Variants in CRTC3 observed in about 807,000 individuals in gnomAD.
The protein encoded by CRTC3 is CREB regulated transcription coactivator 3.
A neutral mutation model predicts 74.5 loss-of-function variants in CRTC3; 26 were observed. That is an observed-to-expected ratio of 0.35 (90% CI 0.26 to 0.48). The LOEUF is 0.48. Among genes scored for constraint, CRTC3 ranks in the 20% least tolerant of loss-of-function variants. CRTC3 has a pLI of 0.99. For missense variants in CRTC3, 760 were observed against 787.3 expected (o/e 0.97, Z 0.41); for synonymous variants, 377 against 325.8 (o/e 1.16, Z -1.69).
chr15:90,565,183 T>A (rs1277745084), intron 2 of CRTC3, among the ~76,000 whole-genome samples: 1 of 152,076 alleles, frequency 6.6e-6, no homozygotes, highest in Non-Finnish European at 1.5e-5. Context: ...CCCGACCTCA[T>A]GTGATCCACC....
At chr15:90,628,091 C>G (rs12909338) in intron 10 of CRTC3, among the ~76,000 whole-genome samples, 36,285 of 150,604 alleles carry the variant, frequency 0.24, 4,909 homozygotes, top group African/African-American at 0.38. Flanking sequence ...GCGGCACATG[C>G]CTGTAGTCCC....
At chr15:90,575,499 G>A (rs1293923204) in intron 2 of CRTC3, among the ~76,000 whole-genome samples, 1 of 152,174 alleles carries the variant, frequency 6.6e-6, no homozygotes, top group Non-Finnish European at 1.5e-5. Flanking sequence ...GCCAGTGTAA[G>A]GTATGCAGTG....
intron 11 of CRTC3, chr15:90,634,777 T>G: frequency 8.3e-7 from 1 of 1,199,906 alleles, no homozygotes; most frequent in Non-Finnish European, 1.2e-6. Flanking sequence ...TGAGTATTGG[T>G]TGGAAGGAGC....
chr15:90,583,369 A>G (rs894786436), intron 2 of CRTC3, among the ~76,000 whole-genome samples: 3 of 152,206 alleles, frequency 2.0e-5, no homozygotes, highest in Admixed American at 6.5e-5. Flanking sequence ...AGACATGGTG[A>G]TAGGCCAGGT....
At chr15:90,552,484 C>G (rs1229439071) in intron 2 of CRTC3, among the ~76,000 whole-genome samples, 1 of 152,174 alleles carries the variant, frequency 6.6e-6, no homozygotes, top group African/African-American at 2.4e-5. Context: ...CTGATCACCC[C>G]TCATCTAGTT....
At position 90,545,643 on chromosome 15, in the gene CRTC3, C is replaced by G. The variant is rs1966842928; in HGVS notation, c.231+5506C>G. 2.0e-5 allele frequency among the ~76,000 whole-genome samples: 3 copies of G among 152,058 alleles called. No individual in the cohort carries two copies. In the South Asian group the frequency reaches 6.2e-4, roughly 32 times the overall value. ...CCAGGCTGGAGTGCAGTGGCACGAT[C>G]TCGGCTCACTGCAACCTCCGCCTCC... On this transcript the variant is annotated intron_variant, in intron 2 of 14. Coordinates refer to ENST00000268184, the MANE Select transcript of CRTC3 (RefSeq NM_022769.5).
intron 11 of CRTC3, 43 bp from the exon 12 acceptor site, chr15:90,638,402 GA>G (rs1229944650): frequency 6.4e-7 from 1 of 1,556,508 alleles, no homozygotes; most frequent in Non-Finnish European, 8.9e-7. Flanking sequence ...CTTAACGCCA[GA>G]AACGCAGAAG....
At chr15:90,538,772 C>T (rs1966759145) in intron 1 of CRTC3, among the ~76,000 whole-genome samples, 1 of 44,770 alleles carries the variant, frequency 2.2e-5, no homozygotes, top group Non-Finnish European at 5.1e-5. Flanking sequence ...CCAAACTTCA[C>T]CTTTTTTTTT....
Position 90,602,325 on chromosome 15 carries a change from T to C in CRTC3, c.353T>C (p.Phe118Ser), listed in dbSNP as rs1180211778. The C allele has an allele frequency of 3.2e-6, 5 of 1,572,524 alleles. No individual in the cohort carries two copies. Among genetic ancestry groups the C allele is most frequent in the Admixed American group, 1.7e-5 (1 of 59,700 alleles). ...RRSGDKPGRQ[F>S]DGSAFGANYS... ...TTTTTCCTTTATTAAAAATTCTACT[T>C]TGATGGTAGTGCTTTTGGAGCCAAT... Residue 118 changes from phenylalanine (F) to serine (S), a missense_variant and splice_region_variant, in exon 4 of 15, where the codon TTT becomes TCT. Physicochemically the swap from Phe to Ser is radical, Grantham distance 155. This residue lies in a region of CRTC3 where 652 missense variants were observed against 635.2 expected (regional missense o/e 1.03). Transcript: ENST00000268184.
rs79265758 is a variant in CRTC3 at position 90,627,361 on chromosome 15, G to A, written c.967+1368G>A. ...TATTTGCTTCACAGGAGAAACTCTC[G>A]AAACCTTTATGCCCAGATTCAGAGT... On this transcript the variant is annotated intron_variant, in intron 10 of 14. Transcript: ENST00000268184. 5.2e-3 allele frequency among the ~76,000 whole-genome samples: 796 copies of A among 152,218 alleles called. 10 individuals are homozygous for A. The highest frequency in any genetic ancestry group is 0.043 in the East Asian group (223 of 5,180).
chr15:90,589,914 G>C lies in CRTC3; in HGVS notation c.232-3722G>C, dbSNP rs143176437. Among the ~76,000 whole-genome samples the C allele has an allele frequency of 6.0e-4, 92 of 152,206 alleles. 1 individual carries two copies. Among genetic ancestry groups the C allele is most frequent in the African/African-American group, 2.1e-3 (87 of 41,530 alleles). On this transcript the variant is annotated intron_variant, in intron 2 of 14. Coordinates refer to ENST00000268184, the MANE Select transcript of CRTC3 (RefSeq NM_022769.5). ...AGGCAGGAGAATCGCTTGAACCCAG[G>C]AGGCAGAGGTTGCAGTGAGCCAAGA... is the stretch of plus-strand genomic sequence containing the variant.
Position 90,530,398 on chromosome 15 carries a change from C to T in CRTC3, c.132+195C>T, listed in dbSNP as rs1966606398. On this transcript the variant is annotated intron_variant, in intron 1 of 14. Coordinates refer to ENST00000268184, the MANE Select transcript of CRTC3 (RefSeq NM_022769.5). This position sits in a 1 kb window ranked among gnomAD's most constrained non-coding sequence, Gnocchi z 6.2. ...CCTGGCGACACCCGCTAGCCGTTCG[C>T]GATCCCGGGCTGAGGTGGGAGGGTC... 1 of 170,512 alleles carries T rather than the reference C, an allele frequency of 5.9e-6. No individual in the cohort carries two copies. The highest frequency in any genetic ancestry group is 1.2e-5 in the Non-Finnish European group (1 of 84,672). The allele number at this position is 170,512 out of a possible 1,614,324, so 10.6% of individuals were successfully genotyped here. A position where few individuals can be genotyped will look rare whatever the true frequency, so the allele number is the denominator to read the frequency against.
chr15:90,610,870 G>T (rs372496758), intron 6 of CRTC3, among the ~76,000 whole-genome samples: 1 of 152,142 alleles, frequency 6.6e-6, no homozygotes, highest in South Asian at 2.1e-4. Flanking sequence ...AGCAGAGTGC[G>T]TAATAGGTGT....
chr15:90,643,381 G>A lies in CRTC3; in HGVS notation c.*1241G>A, dbSNP rs565678924. 10 of 228,484 alleles carry A rather than the reference G, an allele frequency of 4.4e-5. No homozygotes were observed. The highest frequency in any genetic ancestry group is 1.8e-4 in the African/African-American group (8 of 45,008). 14.2% of individuals were successfully genotyped at this position (228,484 alleles called of 1,614,324 possible). A position where few individuals can be genotyped will look rare whatever the true frequency, so the allele number is the denominator to read the frequency against. On this transcript the variant is annotated 3_prime_UTR_variant, in exon 15 of 15. Transcript: ENST00000268184. Reference sequence around the variant, plus strand: ...TAGGTGACCAAATCACAGTGAAGCCGGGCACTGCATTCTCCTTGGGCTGTG... The same window carrying A: ...TAGGTGACCAAATCACAGTGAAGCCAGGCACTGCATTCTCCTTGGGCTGTG...
At chr15:90,585,271 A>G (rs999948743) in intron 2 of CRTC3, among the ~76,000 whole-genome samples, 4 of 152,070 alleles carry the variant, frequency 2.6e-5, no homozygotes, top group African/African-American at 7.2e-5. Context: ...CAGCCTCCCA[A>G]GTAGCTGGGA....
At position 90,609,865 on chromosome 15, in the gene CRTC3, G is replaced by A. The variant is rs1421264648; in HGVS notation, c.577+2387G>A. 2.6e-5 allele frequency among the ~76,000 whole-genome samples: 4 copies of A among 152,226 alleles called. No homozygotes were observed. The East Asian group carries it at 5.8e-4, about 22-fold the overall frequency. On this transcript the variant is annotated intron_variant, in intron 6 of 14. Transcript: ENST00000268184. ...GGGTTCCTGCGTTGACTTGAGAATC[G>A]TGGTGGTCTCTCCTTTTCAAATCAG... is the stretch of plus-strand genomic sequence containing the variant.
At chr15:90,641,224 T>G in intron 14 of CRTC3, 25 bp downstream of exon 14, 1 of 1,402,940 alleles carries the variant, frequency 7.1e-7, no homozygotes, top group Non-Finnish European at 1.0e-6. Flanking sequence ...CCTCAGCTTC[T>G]TTACTGCTTT....
chr15:90,634,931 T>C, intron 11 of CRTC3: 1 of 1,576,396 alleles, frequency 6.3e-7, no homozygotes. Context: ...AAGTTGGAGA[T>C]AAAGTTCTTC....
chr15:90,549,294 G>GTGTGTGTGTA (rs1370112371), intron 2 of CRTC3, among the ~76,000 whole-genome samples: 16 of 152,078 alleles, frequency 1.1e-4, no homozygotes, highest in African/African-American at 3.9e-4. Flanking sequence ...TGGTGTGTGT[G>GTGTGTGTGTA]TGTGTGTGTG....
Sources: allele counts gnomAD v4.1 joint callset (sites outside exome capture counted in the v4.1 genomes callset), GRCh38; gene constraint gnomAD v4.1.1; regional missense constraint gnomAD v4.1.1; non-coding constraint Gnocchi (gnomAD v3.1); transcripts MANE v1.5; gene names NCBI Gene and HGNC (gene_info 2026-07-23, HGNC 2026-07-21).